SLC9A4: variants seen among roughly 807,000 people sequenced by gnomAD.
SLC9A4 encodes the protein solute carrier family 9 member A4.
In SLC9A4, 63 loss-of-function variants were observed where a neutral mutation model predicts 67.4. That is an observed-to-expected ratio of 0.93 (90% CI 0.76 to 1.15). SLC9A4 has a LOEUF of 1.15. SLC9A4 is among the 50% of genes most tolerant of loss of function. SLC9A4 has a pLI of 0.00. For synonymous variants in SLC9A4, 393 were observed against 367.2 expected (o/e 1.07, Z -0.80); for missense variants, 1,089 against 987.7 (o/e 1.10, Z -1.38).
intron 11 of SLC9A4, among the ~76,000 whole-genome samples, chr2:102,527,647 A>G (rs1308683937): frequency 6.6e-6 from 1 of 152,206 alleles, no homozygotes; most frequent in Non-Finnish European, 1.5e-5. Context: ...TTTTACATAT[A>G]TTGTCAAAAC....
intron 2 of SLC9A4, among the ~76,000 whole-genome samples, chr2:102,483,028 A>C (rs1220840881): frequency 2.0e-5 from 3 of 152,180 alleles, no homozygotes; most frequent in African/African-American, 7.2e-5. Flanking sequence ...TTTGTTAGCA[A>C]CATGTGTTTG....
chr2:102,532,470 T>A lies in SLC9A4; in HGVS notation c.2179T>A (p.Tyr727Asn). 3.1e-6 allele frequency: 5 copies of A among 1,614,172 alleles called. No individual in the cohort carries two copies. The highest frequency in any genetic ancestry group is 4.2e-6 in the Non-Finnish European group (5 of 1,180,026). ...AGGAAGGAAGGCATTCAGCTTTGGT[T>A]ATCAAAGAAACACAAGCCAAGAAGA... ...HRGRKAFSFGYQRNTSQEEYL... is the reference protein window; with the variant it reads ...HRGRKAFSFGNQRNTSQEEYL... The change falls in exon 12 of 12, where the codon TAT becomes AAT. Residue 727 changes from tyrosine (Y) to asparagine (N), a missense_variant. Transcript: ENST00000295269.
At chr2:102,488,320 A>G (rs978321620) in intron 2 of SLC9A4, among the ~76,000 whole-genome samples, 1 of 152,134 alleles carries the variant, frequency 6.6e-6, no homozygotes, top group Non-Finnish European at 1.5e-5. Context: ...TAGTTTCCTT[A>G]TAGCTTCCTC....
intron 11 of SLC9A4, among the ~76,000 whole-genome samples, chr2:102,528,766 T>G (rs779031336): frequency 6.6e-6 from 1 of 152,188 alleles, no homozygotes; most frequent in African/African-American, 2.4e-5. Context: ...ATACATATAT[T>G]ATTCACTAGA....
chr2:102,486,825 G>C (rs999825880), intron 2 of SLC9A4, among the ~76,000 whole-genome samples: 2 of 152,220 alleles, frequency 1.3e-5, no homozygotes, highest in African/African-American at 4.8e-5. Flanking sequence ...TGCCCTTCCT[G>C]TGTGCCAGAG....
At chr2:102,500,116 G>T (rs1483296300) in intron 2 of SLC9A4, among the ~76,000 whole-genome samples, 1 of 152,196 alleles carries the variant, frequency 6.6e-6, no homozygotes, top group African/African-American at 2.4e-5. Flanking sequence ...GCTCGCACTG[G>T]ACTATGGTGG....
At chr2:102,519,793 T>C in intron 8 of SLC9A4, 66 bp from the exon 9 acceptor site, 1 of 1,473,472 alleles carries the variant, frequency 6.8e-7, no homozygotes, top group South Asian at 1.2e-5. Context: ...GGCCCACTGA[T>C]AGTTTTGTGG....
In SLC9A4 at chr2:102,533,543, G is replaced by A. The variant is rs919864510; in HGVS notation, c.*855G>A. 11 of 151,468 alleles carry A rather than the reference G, an allele frequency of 7.3e-5. No homozygotes were observed. The highest frequency in any genetic ancestry group is 2.7e-4 in the African/African-American group (11 of 41,176). 9.4% of individuals were successfully genotyped at this position (151,468 alleles called of 1,614,324 possible). On this transcript the variant is annotated 3_prime_UTR_variant, in exon 12 of 12. Transcript: ENST00000295269. Reference sequence around the variant, plus strand: ...GTTTTAGGGTACATGTGCACATTGTGCAGGTTAGTTACATATGTATACATG... The same window carrying A: ...GTTTTAGGGTACATGTGCACATTGTACAGGTTAGTTACATATGTATACATG...
chr2:102,496,092 A>T (rs1008245409), intron 2 of SLC9A4, among the ~76,000 whole-genome samples: 2 of 152,224 alleles, frequency 1.3e-5, no homozygotes, highest in Admixed American at 1.3e-4. Context: ...AGCAAGCTAC[A>T]TATGAAAGAA....
intron 8 of SLC9A4, among the ~76,000 whole-genome samples, chr2:102,519,614 T>TA (rs1473184657): frequency 3.3e-5 from 5 of 152,152 alleles, no homozygotes; most frequent in Non-Finnish European, 5.9e-5. Context: ...TAGACCTTTT[T>TA]AAAAAAATGG....
Position 102,532,362 on chromosome 2 carries a change from A to G in SLC9A4, c.2071A>G (p.Ile691Val), listed in dbSNP as rs1175515507. ...DDSSDPGSPS[I>V]TFSACSRIGS... ...CAGCAGTGATCCAGGATCCCCATCC[A>G]TCACGTTCAGCGCATGCTCTCGGAT... Residue 691 changes from isoleucine (I) to valine (V), a missense_variant, in exon 12 of 12, where the codon ATC (isoleucine) becomes GTC (valine). By Grantham distance (29) the Ile-to-Val change is conservative (BLOSUM62 3). Transcript: ENST00000295269. 1.9e-6 allele frequency: 3 copies of G among 1,614,004 alleles called. No individual in the cohort carries two copies. The highest frequency in any genetic ancestry group is 1.7e-5 in the Admixed American group (1 of 60,010).
intron 2 of SLC9A4, among the ~76,000 whole-genome samples, chr2:102,479,613 G>A (rs145015062): frequency 5.2e-4 from 79 of 152,348 alleles, no homozygotes; most frequent in Middle Eastern, 6.8e-3. Flanking sequence ...GTTGCTAATG[G>A]CCCTTCTGGG....
At chr2:102,508,632 C>T (rs1685097072) in intron 5 of SLC9A4, among the ~76,000 whole-genome samples, 1 of 152,098 alleles carries the variant, frequency 6.6e-6, no homozygotes, top group Admixed American at 6.6e-5. Context: ...ATGGGTGAAA[C>T]CAAATTCCTA....
chr2:102,476,975 T>C (rs993453677), intron 1 of SLC9A4, among the ~76,000 whole-genome samples: 3 of 152,204 alleles, frequency 2.0e-5, no homozygotes, highest in Non-Finnish European at 2.9e-5. Context: ...TTGGTGATAA[T>C]TATACCCTGT....
At chr2:102,531,135 T>C (rs1047727710) in intron 11 of SLC9A4, among the ~76,000 whole-genome samples, 8 of 146,580 alleles carry the variant, frequency 5.5e-5, no homozygotes, top group Non-Finnish European at 1.2e-4. Flanking sequence ...TGATCTCGGC[T>C]CACTGCAAGC....
chr2:102,486,031 C>G (rs1373039160), intron 2 of SLC9A4, among the ~76,000 whole-genome samples: 3 of 152,198 alleles, frequency 2.0e-5, no homozygotes. Context: ...CCAGCCTATT[C>G]ATTTGAGGGC....
intron 7 of SLC9A4, 62 bp from the exon 8 acceptor site, chr2:102,514,028 G>A: frequency 6.4e-7 from 1 of 1,552,726 alleles, no homozygotes. Context: ...CAAGAGAAAT[G>A]CATACTTAAT....
rs780448537 is a variant in SLC9A4, at chr2:102,526,396, T to C, written c.2038+50T>C. 22 of 1,565,986 alleles carry C rather than the reference T, an allele frequency of 1.4e-5. No homozygotes were observed. In the South Asian group the frequency reaches 2.2e-4, roughly 16 times the overall value. On this transcript the variant is annotated intron_variant, in intron 11 of 11. Coordinates refer to ENST00000295269, the MANE Select transcript of SLC9A4 (RefSeq NM_001011552.4). ...GCTGCTTTTCTGTAGAGTCAGGTGG[T>C]AAATATCTGGGGGTGTGGGCCAAGA... is the stretch of plus-strand genomic sequence containing the variant.
At chr2:102,503,797 C>A in intron 3 of SLC9A4, 90 bp downstream of exon 3, 2 of 1,489,556 alleles carry the variant, frequency 1.3e-6, no homozygotes, top group Non-Finnish European at 1.8e-6. Context: ...AAAGACATAA[C>A]CAATGACGCT....
Sources: allele counts gnomAD v4.1 joint callset (sites outside exome capture counted in the v4.1 genomes callset), GRCh38; gene constraint gnomAD v4.1.1; transcripts MANE v1.5; gene names NCBI Gene and HGNC (gene_info 2026-07-23, HGNC 2026-07-21).